Variants in WDPCP observed in about 807,000 individuals in gnomAD.
The protein encoded by WDPCP is WD repeat-containing and planar cell polarity effector protein fritz homolog.
WDPCP carries 71 observed loss-of-function variants against 93.1 expected under a neutral mutation model. That is an observed-to-expected ratio of 0.76 (90% CI 0.63 to 0.93). The LOEUF is 0.93. WDPCP is among the 40% of genes least tolerant of loss of function. WDPCP has a pLI of 0.00. For synonymous variants in WDPCP, 315 were observed against 315.0 expected (o/e 1.00, Z 0.00); for missense variants, 844 against 887.4 (o/e 0.95, Z 0.62).
chr2:63,743,878 C>A (rs1478083389), intron 2 of WDPCP, among the ~76,000 whole-genome samples: 3 of 152,098 alleles, frequency 2.0e-5, no homozygotes, highest in African/African-American at 7.2e-5. Flanking sequence ...GATCTCTCAA[C>A]AAAACACTTG....
At chr2:63,506,999 A>G (rs559589671) in intron 1 of WDPCP, among the ~76,000 whole-genome samples, 1 of 152,106 alleles carries the variant, frequency 6.6e-6, no homozygotes, top group East Asian at 1.9e-4. Flanking sequence ...GAGAGAGAGA[A>G]GGAGTTTGGG....
rs1701083751 is a variant in WDPCP at position 63,494,303 on chromosome 2, A to ACGACG, written c.76-1364_76-1363insCGTCG. Among the ~76,000 whole-genome samples the ACGACG allele has an allele frequency of 1.6e-4, 9 of 55,932 alleles. No homozygotes were observed. In the South Asian group the frequency reaches 1.9e-3, roughly 12 times the overall value. 36.7% of individuals were successfully genotyped at this position (55,932 alleles called of 152,430 possible). A position where few individuals can be genotyped will look rare whatever the true frequency, so the allele number is the denominator to read the frequency against. On this transcript the variant is annotated intron_variant, in intron 1 of 17. Coordinates refer to ENST00000272321, the MANE Select transcript of WDPCP (RefSeq NM_015910.7). ...TGATGATGATGACGACGACGACGAC[A>ACGACG]ATGATGATGACGATGATGATGATGA...
chr2:63,539,561 G>A (rs565797076), intron 1 of WDPCP, among the ~76,000 whole-genome samples: 4 of 152,216 alleles, frequency 2.6e-5, no homozygotes, highest in South Asian at 2.1e-4. Context: ...GTGTGGTGGC[G>A]CATGCCTGTA....
Position 63,345,393 on chromosome 2 carries a change from C to T in WDPCP, c.1749-32082G>A, listed in dbSNP as rs577436501. Among the ~76,000 whole-genome samples, 162 of 152,252 alleles carry T rather than the reference C, an allele frequency of 1.1e-3. 5 individuals are homozygous for T. Among genetic ancestry groups the T allele is most frequent in the Admixed American group, 9.2e-3 (140 of 15,272 alleles). On this transcript the variant is annotated intron_variant, in intron 12 of 17. Coordinates refer to ENST00000272321, the MANE Select transcript of WDPCP (RefSeq NM_015910.7). Reference sequence around the variant, plus strand: ...ACTCCCAGTGCCCTTTCTGTAGAACCGCTCTGCAGTACATGCAGTTGGCAG... The same window carrying T: ...ACTCCCAGTGCCCTTTCTGTAGAACTGCTCTGCAGTACATGCAGTTGGCAG...
At chr2:63,264,465 C>T (rs1020051587) in intron 13 of WDPCP, among the ~76,000 whole-genome samples, 1 of 152,072 alleles carries the variant, frequency 6.6e-6, no homozygotes, top group Non-Finnish European at 1.5e-5. Context: ...CAGTGAAACC[C>T]CACTATGAAA....
At chr2:63,671,754 G>C (rs1249200767) in intron 2 of WDPCP, among the ~76,000 whole-genome samples, 1 of 152,020 alleles carries the variant, frequency 6.6e-6, no homozygotes, top group African/African-American at 2.4e-5. Context: ...CTGCTTTTCA[G>C]ACTAATATAA....
chr2:63,594,867 AC>A, intron 3 of WDPCP: 1 of 314,978 alleles, frequency 3.2e-6, no homozygotes, highest in Non-Finnish European at 5.9e-6. Context: ...AATGACAGTA[AC>A]TTACAGTCAT....
intron 12 of WDPCP, among the ~76,000 whole-genome samples, chr2:63,353,186 C>T (rs894100201): frequency 3.3e-5 from 5 of 152,094 alleles, no homozygotes; most frequent in East Asian, 1.9e-4. Context: ...CCCACTCCAC[C>T]GGGGCCTTCA....
At chr2:63,548,588 T>A (rs556670200) in intron 1 of WDPCP, among the ~76,000 whole-genome samples, 1 of 152,016 alleles carries the variant, frequency 6.6e-6, no homozygotes, top group East Asian at 1.9e-4. Context: ...ATTTGGACAT[T>A]AAAAAATCAA....
At chr2:63,481,703 G>A (rs1286056047) in intron 6 of WDPCP, among the ~76,000 whole-genome samples, 1 of 151,808 alleles carries the variant, frequency 6.6e-6, no homozygotes. Flanking sequence ...GGATGCAAAG[G>A]CATAAGAATG....
At chr2:63,137,704 T>G (rs1670726287) in intron 17 of WDPCP, among the ~76,000 whole-genome samples, 1 of 152,194 alleles carries the variant, frequency 6.6e-6, no homozygotes, top group African/African-American at 2.4e-5. Flanking sequence ...CATTTAAGTC[T>G]TTAATCCATC....
At chr2:63,455,376 A>T (rs1698544759) in intron 6 of WDPCP, among the ~76,000 whole-genome samples, 1 of 151,054 alleles carries the variant, frequency 6.6e-6, no homozygotes, top group Non-Finnish European at 1.5e-5. Context: ...GTGATCCAAC[A>T]ATATTCTGCC....
intron 13 of WDPCP, among the ~76,000 whole-genome samples, chr2:63,287,283 C>T (rs1684076691): frequency 1.3e-5 from 2 of 151,902 alleles, no homozygotes; most frequent in African/African-American, 2.4e-5. Flanking sequence ...CAGTCCATGA[C>T]ACCATCCATT....
At chr2:63,354,954 C>G (rs1326369208) in intron 12 of WDPCP, among the ~76,000 whole-genome samples, 1 of 151,976 alleles carries the variant, frequency 6.6e-6, no homozygotes, top group Non-Finnish European at 1.5e-5. Flanking sequence ...GTAAAGAGGC[C>G]AAATATATGA....
At chr2:63,465,240 G>T (rs189848855) in intron 6 of WDPCP, among the ~76,000 whole-genome samples, 12 of 152,082 alleles carry the variant, frequency 7.9e-5, no homozygotes, top group African/African-American at 2.9e-4. Flanking sequence ...ATAAACCTAT[G>T]ACTTAGGTAT....
At chr2:63,393,868 T>A (rs1693489639) in intron 10 of WDPCP, among the ~76,000 whole-genome samples, 1 of 152,088 alleles carries the variant, frequency 6.6e-6, no homozygotes, top group African/African-American at 2.4e-5. Flanking sequence ...TGGCTAGCCA[T>A]ATACAGAAGA....
In WDPCP at chr2:63,121,145, A is replaced by G. The variant is rs960437937; in HGVS notation, c.*861T>C. Among the ~76,000 whole-genome samples, 9 of 152,106 alleles carry G rather than the reference A, an allele frequency of 5.9e-5. No homozygotes were observed. Among genetic ancestry groups the G allele is most frequent in the African/African-American group, 2.2e-4 (9 of 41,442 alleles). ...GGCATTCTGAGTTTAAAGAACTCAA[A>G]TCTCATATAAAAGTTGATAAGCATG... On this transcript the variant is annotated 3_prime_UTR_variant, in exon 18 of 18. Coordinates refer to ENST00000272321, the MANE Select transcript of WDPCP (RefSeq NM_015910.7).
intron 1 of WDPCP, among the ~76,000 whole-genome samples, chr2:63,815,253 T>G (rs1670917752): frequency 6.6e-6 from 1 of 152,190 alleles, no homozygotes; most frequent in Non-Finnish European, 1.5e-5. Context: ...GTGAAGCCAC[T>G]CACCAGTTCC....
chr2:63,560,828 G>A (rs114408711), intron 1 of WDPCP, among the ~76,000 whole-genome samples: 220 of 152,292 alleles, frequency 1.4e-3, no homozygotes, highest in African/African-American at 5.1e-3. Context: ...ACTGGGGCCT[G>A]TTGGGAGGTA....
Sources: gnomAD v4.1 joint callset for allele counts (sites outside exome capture counted in the v4.1 genomes callset) on GRCh38, gnomAD v4.1.1 for gene constraint, MANE v1.5 for transcripts, NCBI Gene and HGNC (gene_info 2026-07-23, HGNC 2026-07-21) for gene names.